Variants in CLVS2 observed in about 807,000 individuals in gnomAD.
CLVS2 encodes clavesin 2, also known as clavesin-2.
In CLVS2, 19 loss-of-function variants were observed where a neutral mutation model predicts 29.0. That is an observed-to-expected ratio of 0.66 (90% CI 0.46 to 0.96). The LOEUF is 0.96. Among genes scored for constraint, CLVS2 ranks in the 40% least tolerant of loss-of-function variants. CLVS2 has a pLI of 0.00. For missense variants in CLVS2, 294 were observed against 404.1 expected, an observed-to-expected ratio of 0.73 and a Z score of 2.34; for synonymous variants, 161 against 151.3, an observed-to-expected ratio of 1.06 and a Z score of -0.47.
chr6:123,050,401 T>G (rs762023627), intron 4 of CLVS2, among the ~76,000 whole-genome samples: 1 of 152,176 alleles, frequency 6.6e-6, no homozygotes, highest in African/African-American at 2.4e-5. Context: ...GACACCACTT[T>G]GGAGTATATA....
At chr6:123,001,921 A>T (rs1041636521) in intron 2 of CLVS2, among the ~76,000 whole-genome samples, 5 of 152,202 alleles carry the variant, frequency 3.3e-5, no homozygotes, top group African/African-American at 1.2e-4. Flanking sequence ...AAACATAATG[A>T]TGATAGGAAG....
chr6:123,026,165 T>C (rs971766767), intron 3 of CLVS2, among the ~76,000 whole-genome samples: 1 of 152,090 alleles, frequency 6.6e-6, no homozygotes, highest in East Asian at 1.9e-4. Flanking sequence ...GTGGAATATG[T>C]GCAATATAAA....
chr6:123,058,617 A>G (rs1420308737), intron 5 of CLVS2, among the ~76,000 whole-genome samples: 6 of 152,072 alleles, frequency 3.9e-5, no homozygotes, highest in Admixed American at 1.3e-4. Context: ...TAAAATATGA[A>G]TCAGACCATG....
chr6:123,045,375 C>A (rs894304567), intron 3 of CLVS2, among the ~76,000 whole-genome samples: 2 of 151,998 alleles, frequency 1.3e-5, no homozygotes, highest in African/African-American at 4.8e-5. Context: ...AGGCCACATC[C>A]CTGTGGAAGT....
chr6:123,063,538 T>A (rs1772809529), intron 5 of CLVS2, 136 bp from the exon 6 acceptor site: 1 of 584,378 alleles, frequency 1.7e-6, no homozygotes, highest in Admixed American at 3.1e-5. Context: ...ATGTGCAACA[T>A]CCACAATTCA....
At chr6:123,034,212 T>A (rs150333640) in intron 3 of CLVS2, among the ~76,000 whole-genome samples, 1 of 152,112 alleles carries the variant, frequency 6.6e-6, no homozygotes, top group Non-Finnish European at 1.5e-5. Context: ...CTGGAACATC[T>A]AATGCAGAGA....
chr6:123,013,349 G>A (rs1471455789), intron 3 of CLVS2, among the ~76,000 whole-genome samples: 1 of 151,930 alleles, frequency 6.6e-6, no homozygotes, highest in African/African-American at 2.4e-5. Flanking sequence ...CACCACAACA[G>A]TAATAAACCT....
intron 3 of CLVS2, among the ~76,000 whole-genome samples, chr6:123,042,476 T>G (rs1406851346): frequency 6.6e-6 from 1 of 152,138 alleles, no homozygotes; most frequent in African/African-American, 2.4e-5. Context: ...GAATGAAAGT[T>G]AAGTGGACAG....
In CLVS2 at chr6:123,067,813, G is replaced by T. The variant is rs1772885959; in HGVS notation, c.*4052G>T. The T allele has an allele frequency of 6.6e-6, 1 of 151,626 alleles. No homozygotes were observed. The highest frequency in any genetic ancestry group is 2.4e-5 in the African/African-American group (1 of 41,378). 9.4% of individuals were successfully genotyped at this position (151,626 alleles called of 1,614,324 possible). ...AAAAGAAGATTGGTTAAATATGCAA[G>T]GTGTGTAATTATCTTCAGTAATGAA... On this transcript the variant is annotated 3_prime_UTR_variant, in exon 6 of 6. Transcript: ENST00000275162.
chr6:123,007,214 A>G (rs1774681831), intron 2 of CLVS2, among the ~76,000 whole-genome samples: 1 of 152,214 alleles, frequency 6.6e-6, no homozygotes, highest in Admixed American at 6.5e-5. Flanking sequence ...GAAGTCATAG[A>G]AGTTAACATT....
At chr6:123,049,878 C>T (rs1772579315) in intron 4 of CLVS2, among the ~76,000 whole-genome samples, 1 of 151,240 alleles carries the variant, frequency 6.6e-6, no homozygotes, top group Non-Finnish European at 1.5e-5. Flanking sequence ...AGCACACCAA[C>T]ATGGCATATG....
intron 5 of CLVS2, among the ~76,000 whole-genome samples, chr6:123,061,910 A>G (rs750867498): frequency 6.6e-6 from 1 of 152,096 alleles, no homozygotes; most frequent in Non-Finnish European, 1.5e-5. Flanking sequence ...TATTTTCTAT[A>G]AAGAAAACAG....
chr6:123,028,969 G>A (rs996194554), intron 3 of CLVS2, among the ~76,000 whole-genome samples: 1 of 152,108 alleles, frequency 6.6e-6, no homozygotes, highest in Non-Finnish European at 1.5e-5. Flanking sequence ...GGGTCATAAA[G>A]GTGGAGCCCT....
At chr6:123,035,120 G>A (rs1203837347) in intron 3 of CLVS2, among the ~76,000 whole-genome samples, 1 of 152,034 alleles carries the variant, frequency 6.6e-6, no homozygotes, top group Non-Finnish European at 1.5e-5. Flanking sequence ...AAAGAAGTAG[G>A]GTATTTTGTT....
chr6:123,049,069 A>G (rs1180445171), intron 4 of CLVS2, among the ~76,000 whole-genome samples: 1 of 152,210 alleles, frequency 6.6e-6, no homozygotes, highest in African/African-American at 2.4e-5. Context: ...AGTCTAAACA[A>G]AAGTTATAAT....
chr6:123,061,576 T>C (rs953240772), intron 5 of CLVS2, among the ~76,000 whole-genome samples: 23 of 152,348 alleles, frequency 1.5e-4, no homozygotes, highest in African/African-American at 4.8e-4. Context: ...GGAATCAGCA[T>C]TCATCATCCA....
At chr6:123,026,904 A>C (rs1220740564) in intron 3 of CLVS2, among the ~76,000 whole-genome samples, 1 of 152,204 alleles carries the variant, frequency 6.6e-6, no homozygotes, top group Non-Finnish European at 1.5e-5. Context: ...AACAATATGC[A>C]TTGTTCTTGT....
At chr6:123,038,986 G>A (rs1413468840) in intron 3 of CLVS2, among the ~76,000 whole-genome samples, 1 of 152,002 alleles carries the variant, frequency 6.6e-6, no homozygotes, top group Non-Finnish European at 1.5e-5. Context: ...CCAGTGTATG[G>A]CCCCTCCTCA....
intron 3 of CLVS2, among the ~76,000 whole-genome samples, chr6:123,034,712 C>T (rs550309720): frequency 2.1e-4 from 32 of 152,152 alleles, no homozygotes; most frequent in African/African-American, 7.7e-4. Context: ...TGCACACATT[C>T]ACAAATGAGT....
Sources: gnomAD v4.1 joint callset for allele counts (sites outside exome capture counted in the v4.1 genomes callset) on GRCh38, gnomAD v4.1.1 for gene constraint, MANE v1.5 for transcripts, NCBI Gene and HGNC (gene_info 2026-07-23, HGNC 2026-07-21) for gene names.